Variants in ABITRAM observed in about 807,000 individuals in gnomAD.
The protein encoded by ABITRAM is actin binding transcription modulator.
In ABITRAM, 19 loss-of-function variants were observed where a neutral mutation model predicts 22.9. The observed-to-expected ratio is 0.83, with a 90% CI of 0.58 to 1.22. ABITRAM has a LOEUF of 1.22. Ranked by LOEUF, ABITRAM falls within the 50% of genes most tolerant of loss-of-function variation. The pLI is 0.00. For missense variants in ABITRAM, 215 were observed against 220.2 expected (o/e 0.98, Z 0.15); for synonymous variants, 70 against 73.9 (o/e 0.95, Z 0.27).
intron 2 of ABITRAM, 28 bp downstream of exon 2, chr9:108,935,717 C>CA (rs869222783): frequency 6.3e-7 from 1 of 1,588,446 alleles, no homozygotes; most frequent in Non-Finnish European, 8.6e-7. Flanking sequence ...TTTAAATTAT[C>CA]AAAAATTTTT....
chr9:108,942,592 C>T (rs1830273082), downstream of ABITRAM: 1 of 573,474 alleles, frequency 1.7e-6, no homozygotes, highest in Non-Finnish European at 3.1e-6. Context: ...ATTACCAAGA[C>T]ATTTATTAGT....
chr9:108,947,405 G>C (rs775352726), intron 3 of ABITRAM, among the ~76,000 whole-genome samples: 3 of 152,098 alleles, frequency 2.0e-5, no homozygotes, highest in Admixed American at 6.6e-5. Context: ...GAGCCACCGC[G>C]CCTGGCCTAA....
At chr9:108,949,993 C>T (rs1261960520) in intron 3 of ABITRAM, among the ~76,000 whole-genome samples, 2 of 146,016 alleles carry the variant, frequency 1.4e-5, no homozygotes, top group African/African-American at 5.1e-5. Flanking sequence ...CACTGCACTC[C>T]AGCCTGGGTG....
At chr9:108,939,047 C>T in intron 3 of ABITRAM, 149 bp from the exon 4 acceptor site, 1 of 648,096 alleles carries the variant, frequency 1.5e-6, no homozygotes, top group Non-Finnish European at 2.6e-6. Context: ...CATATAGGTT[C>T]TGAAATTAAT....
chr9:108,942,536 GT>G (rs112135514), downstream of ABITRAM: 538 of 536,400 alleles, frequency 1.0e-3, 2 homozygotes, highest in African/African-American at 9.1e-3. Flanking sequence ...AAGAACATTA[GT>G]GCAATGTTCT....
chr9:108,949,208 T>C (rs959133206), intron 3 of ABITRAM, among the ~76,000 whole-genome samples: 1 of 152,194 alleles, frequency 6.6e-6, no homozygotes, highest in African/African-American at 2.4e-5. Flanking sequence ...ATCCATTTTC[T>C]ATTCTGGAAT....
intron 3 of ABITRAM, among the ~76,000 whole-genome samples, chr9:108,938,215 CA>C (rs1830211619): frequency 1.3e-5 from 2 of 152,134 alleles, no homozygotes; most frequent in Non-Finnish European, 2.9e-5. Context: ...CCCTTCCTTC[CA>C]AAAGCAGAAA....
In ABITRAM at chr9:108,934,434, C is replaced by T. The variant is rs1406297764; in HGVS notation, c.-53C>T. On this transcript the variant is annotated 5_prime_UTR_variant, in exon 1 of 6. Transcript: ENST00000322940. ...AAGAGCACGCCCAGTCCGGGCTGCG[C>T]GGAGGAAGCGCTGGGGTCCCGGAGG... 4 of 1,501,820 alleles carry T rather than the reference C, an allele frequency of 2.7e-6. No individual in the cohort carries two copies. Among genetic ancestry groups the T allele is most frequent in the African/African-American group, 1.4e-5 (1 of 69,024 alleles). 93.0% of individuals were successfully genotyped at this position (1,501,820 alleles called of 1,614,324 possible).
downstream of ABITRAM, chr9:108,942,636 G>C (rs542567493): frequency 1.9e-5 from 13 of 673,662 alleles, no homozygotes; most frequent in African/African-American, 2.4e-4. Context: ...TTCATGATCA[G>C]AAAATAGAGC....
In ABITRAM at chr9:108,940,690, G is replaced by A. The variant is rs149580323; in HGVS notation, c.*1004G>A. 7.3e-3 allele frequency: 1,104 copies of A among 152,226 alleles called. 15 individuals are homozygous for A. The highest frequency in any genetic ancestry group is 0.025 in the African/African-American group (1,050 of 41,546). 9.4% of individuals were successfully genotyped at this position (152,226 alleles called of 1,614,324 possible). A position where few individuals can be genotyped will look rare whatever the true frequency, so the allele number is the denominator to read the frequency against. Reference sequence around the variant, plus strand: ...TAATTCTTGAAATATGCACATTATAGTTACTCAGTCTCACATACTCTAGTT... The same window carrying A: ...TAATTCTTGAAATATGCACATTATAATTACTCAGTCTCACATACTCTAGTT... On this transcript the variant is annotated 3_prime_UTR_variant, in exon 6 of 6. Coordinates refer to ENST00000322940, the MANE Select transcript of ABITRAM (RefSeq NM_017832.4).
At chr9:108,944,061 T>G, downstream of ABITRAM, 1 of 1,506,444 alleles carries the variant, frequency 6.6e-7, no homozygotes, top group Non-Finnish European at 9.1e-7. Flanking sequence ...CTGATGTCTA[T>G]GGATAGTTGG....
rs1399955799 is a variant in ABITRAM at position 108,936,213 on chromosome 9, A to G, written c.132-95A>G. 13 of 1,409,952 alleles carry G rather than the reference A, an allele frequency of 9.2e-6. No individual in the cohort carries two copies. The East Asian group carries it at 2.5e-4, about 27-fold the overall frequency. The allele number at this position is 1,409,952 out of a possible 1,614,324, so 87.3% of individuals were successfully genotyped here. On this transcript the variant is annotated intron_variant, in intron 2 of 5. Transcript: ENST00000322940. ...AGGGGGAAGATGATAGTTTGACTAAACAAATACCAGTTCATACATTCTTGT... is the reference window on the plus strand; with the variant it reads ...AGGGGGAAGATGATAGTTTGACTAAGCAAATACCAGTTCATACATTCTTGT...
rs1046099209 is a variant in ABITRAM, at chr9:108,940,113, G to T, written c.*427G>T. 13 of 157,552 alleles carry T rather than the reference G, an allele frequency of 8.3e-5. No individual in the cohort carries two copies. Among genetic ancestry groups the T allele is most frequent in the Admixed American group, 1.3e-4 (2 of 15,784 alleles). 9.8% of individuals were successfully genotyped at this position (157,552 alleles called of 1,614,324 possible). On this transcript the variant is annotated 3_prime_UTR_variant, in exon 6 of 6. Coordinates refer to ENST00000322940, the MANE Select transcript of ABITRAM (RefSeq NM_017832.4). ...GTTTGAACTGCAAGGGTCCACTTAT[G>T]CATGGACTATTTTCAACTATAAACG...
chr9:108,938,195 A>G (rs755599608), intron 3 of ABITRAM, among the ~76,000 whole-genome samples: 3 of 152,156 alleles, frequency 2.0e-5, no homozygotes, highest in Admixed American at 6.6e-5. Flanking sequence ...CTCTTTTAAC[A>G]CAAGCCTTCC....
intron 2 of ABITRAM, chr9:108,935,894 T>G: frequency 1.8e-6 from 1 of 568,206 alleles, no homozygotes. Flanking sequence ...AACATATAAA[T>G]TTGATTACTC....
intron 3 of ABITRAM, among the ~76,000 whole-genome samples, chr9:108,938,594 C>T (rs1325548273): frequency 2.0e-5 from 3 of 147,926 alleles, no homozygotes; most frequent in African/African-American, 7.6e-5. Flanking sequence ...CTGCTTAAAA[C>T]TTTTGTTTTC....
At chr9:108,943,610 C>A, downstream of ABITRAM, 1 of 979,668 alleles carries the variant, frequency 1.0e-6, no homozygotes, top group Non-Finnish European at 1.5e-6. Context: ...AAATAAATTG[C>A]CCTTCTGTGG....
At chr9:108,942,532 A>T, downstream of ABITRAM, 1 of 523,608 alleles carries the variant, frequency 1.9e-6, no homozygotes, top group Non-Finnish European at 3.3e-6. Flanking sequence ...TTTAAAGAAC[A>T]TTAGTGCAAT....
chr9:108,936,270 C>T, intron 2 of ABITRAM, 38 bp from the exon 3 acceptor site: 1 of 1,595,586 alleles, frequency 6.3e-7, no homozygotes. Flanking sequence ...AAAAATTATT[C>T]CAAGCAATCA....
Sources: allele counts gnomAD v4.1 joint callset (sites outside exome capture counted in the v4.1 genomes callset), GRCh38; gene constraint gnomAD v4.1.1; transcripts MANE v1.5; gene names NCBI Gene and HGNC (gene_info 2026-07-23, HGNC 2026-07-21).